The following CEP131 variants were observed in gnomAD, a reference collection of about 807,000 sequenced individuals.
CEP131 encodes centrosomal protein 131.
In CEP131, 99 loss-of-function variants were observed where a neutral mutation model predicts 136.8. The ratio of observed to expected loss-of-function variants is 0.72; its 90% CI spans 0.62 to 0.86. The LOEUF is 0.86. Ranked by LOEUF, CEP131 falls within the 40% of genes least tolerant of loss-of-function variation. The pLI, the probability that CEP131 is intolerant of heterozygous loss-of-function variation, is 0.00. For synonymous variants in CEP131, 646 were observed against 612.7 expected, an observed-to-expected ratio of 1.05 and a Z score of -0.80; for missense variants, 1,459 against 1,463.0, an observed-to-expected ratio of 1.00 and a Z score of 0.04.
rs1277443182 is a variant in CEP131 at position 81,197,991 on chromosome 17, G to A, written c.1471-103C>T. ...CTGAGGCTGGGCTCTGGGAGGGAGGGTTGTGACTAAAGCCAGGAGGAGCCT... is the reference window on the plus strand; with the variant it reads ...CTGAGGCTGGGCTCTGGGAGGGAGGATTGTGACTAAAGCCAGGAGGAGCCT... On this transcript the variant is annotated intron_variant, in intron 12 of 25. Transcript: ENST00000450824. 4 of 1,511,970 alleles carry A rather than the reference G, an allele frequency of 2.6e-6. No individual in the cohort carries two copies. In the African/African-American group the frequency reaches 4.1e-5, roughly 16 times the overall value. 93.7% of individuals were successfully genotyped at this position (1,511,970 alleles called of 1,614,324 possible). A position where few individuals can be genotyped will look rare whatever the true frequency, so the allele number is the denominator to read the frequency against.
chr17:81,193,730 A>T (rs2061691883), intron 18 of CEP131, among the ~76,000 whole-genome samples, 196 bp downstream of exon 18: 1 of 152,316 alleles, frequency 6.6e-6, no homozygotes, highest in East Asian at 1.9e-4. Context: ...TGAACTGCAG[A>T]CACAAGCCCG....
intron 17 of CEP131, among the ~76,000 whole-genome samples, chr17:81,194,577 C>T (rs900603990): frequency 6.6e-6 from 1 of 152,240 alleles, no homozygotes; most frequent in Non-Finnish European, 1.5e-5. Flanking sequence ...CCACAAACTC[C>T]CAATCTCCCC....
intron 16 of CEP131, 65 bp downstream of exon 16, chr17:81,195,770 G>T: frequency 1.4e-6 from 2 of 1,420,322 alleles, no homozygotes; most frequent in Non-Finnish European, 1.9e-6. Context: ...TCTGGGGGCT[G>T]TGCCAGCTGA....
rs776803535 is a variant in CEP131 at position 81,194,964 on chromosome 17, T to C, written c.2025A>G (p.Lys675=). ...TGGCGCTCATTAATTCTTTGAGTTT[T>C]TTAATCTCCTACGAGCAGAACAGGG... is the stretch of plus-strand genomic sequence containing the variant. The part of the protein sequence containing the change: ...QAQAQHELEI[K]KLKELMSATE... The change falls in exon 17 of 26, where the codon AAA becomes AAG. Residue 675 remains lysine, a synonymous_variant. Transcript: ENST00000450824. 8.7e-6 allele frequency: 14 copies of C among 1,610,594 alleles called. No homozygotes were observed. In the Admixed American group the frequency reaches 2.2e-4, roughly 25 times the overall value.
At chr17:81,207,312 G>A in intron 3 of CEP131, 73 bp from the exon 4 acceptor site, 5 of 1,378,760 alleles carry the variant, frequency 3.6e-6, no homozygotes, top group Non-Finnish European at 5.1e-6. Context: ...ACACAGACCA[G>A]GCAGGTCCCG....
At chr17:81,204,991 T>C (rs2061972352) in intron 5 of CEP131, among the ~76,000 whole-genome samples, 1 of 152,194 alleles carries the variant, frequency 6.6e-6, no homozygotes, top group Non-Finnish European at 1.5e-5. Context: ...CCGGGCGCAG[T>C]GGCTCACACC....
At chr17:81,210,149 A>G (rs982173418) in intron 2 of CEP131, among the ~76,000 whole-genome samples, 6 of 146,876 alleles carry the variant, frequency 4.1e-5, no homozygotes, top group Non-Finnish European at 5.9e-5. Flanking sequence ...AGTGGCACTC[A>G]TAAGTACCTT....
At chr17:81,201,455 C>A (rs1408797565) in intron 7 of CEP131, among the ~76,000 whole-genome samples, 1 of 152,176 alleles carries the variant, frequency 6.6e-6, no homozygotes, top group Non-Finnish European at 1.5e-5. Context: ...GCACAGCCCC[C>A]AACAGTCATC....
chr17:81,204,698 C>A (rs977612472), intron 5 of CEP131, among the ~76,000 whole-genome samples: 1 of 151,754 alleles, frequency 6.6e-6, no homozygotes, highest in Non-Finnish European at 1.5e-5. Flanking sequence ...CAGCCTGCAC[C>A]TGCACCGGAC....
intron 3 of CEP131, among the ~76,000 whole-genome samples, chr17:81,207,613 G>A (rs2062036159): frequency 6.6e-6 from 1 of 151,924 alleles, no homozygotes; most frequent in Admixed American, 6.5e-5. Flanking sequence ...GCCTCCAAGA[G>A]TGCTGGGATT....
At chr17:81,205,301 C>T (rs1004836022) in intron 5 of CEP131, among the ~76,000 whole-genome samples, 1 of 146,428 alleles carries the variant, frequency 6.8e-6, no homozygotes, top group Non-Finnish European at 1.5e-5. Flanking sequence ...GAAGAAATAG[C>T]TTGAAAAGAT....
intron 12 of CEP131, 107 bp downstream of exon 12, chr17:81,198,008 G>A: frequency 6.7e-7 from 1 of 1,490,152 alleles, no homozygotes; most frequent in South Asian, 1.3e-5. Flanking sequence ...CTAAAGCCAG[G>A]AGGAGCCTGT....
At chr17:81,210,375 T>C (rs1021536770) in intron 2 of CEP131, among the ~76,000 whole-genome samples, 1 of 151,946 alleles carries the variant, frequency 6.6e-6, no homozygotes, top group African/African-American at 2.4e-5. Flanking sequence ...ATCAAGACCA[T>C]CCTGGCCAAC....
At chr17:81,192,290 C>G in intron 21 of CEP131, 28 bp downstream of exon 21, 1 of 1,546,552 alleles carries the variant, frequency 6.5e-7, no homozygotes, top group Non-Finnish European at 8.7e-7. Context: ...CCCCCAACCC[C>G]TGCCCACCTG....
At chr17:81,195,525 G>A (rs1274537429) in intron 16 of CEP131, among the ~76,000 whole-genome samples, 1 of 152,190 alleles carries the variant, frequency 6.6e-6, no homozygotes, top group African/African-American at 2.4e-5. Context: ...CCAAGGACCT[G>A]GCAGTGGGGC....
intron 21 of CEP131, 147 bp from the exon 22 acceptor site, chr17:81,191,482 G>T: frequency 1.4e-6 from 1 of 712,942 alleles, no homozygotes; most frequent in Non-Finnish European, 2.4e-6. Flanking sequence ...GTCCAGGGGT[G>T]CGCTACGTCC....
chr17:81,214,978 C>T (rs1403584845), intron 2 of CEP131, among the ~76,000 whole-genome samples: 8 of 151,822 alleles, frequency 5.3e-5, no homozygotes, highest in Non-Finnish European at 5.9e-5. Flanking sequence ...GGGGTTTCAC[C>T]GTGTTAGCCA....
intron 11 of CEP131, 87 bp downstream of exon 11, chr17:81,198,790 G>A (rs1159278779): frequency 7.4e-7 from 1 of 1,349,180 alleles, no homozygotes; most frequent in African/African-American, 1.5e-5. Flanking sequence ...GAGGGGCTGG[G>A]AGAAGCTCAG....
At chr17:81,213,728 C>T (rs1310041973) in intron 2 of CEP131, among the ~76,000 whole-genome samples, 3 of 152,136 alleles carry the variant, frequency 2.0e-5, no homozygotes, top group Admixed American at 6.5e-5. Context: ...AGGGGATGGG[C>T]GACCTCACAG....
Sources: allele counts gnomAD v4.1 joint callset (sites outside exome capture counted in the v4.1 genomes callset), GRCh38; gene constraint gnomAD v4.1.1; transcripts MANE v1.5; gene names NCBI Gene and HGNC (gene_info 2026-07-23, HGNC 2026-07-21).